Variants in MAN1A2 observed in about 807,000 individuals in gnomAD.
The protein encoded by MAN1A2 is mannosidase alpha class 1A member 2.
MAN1A2 carries 26 observed loss-of-function variants against 75.7 expected under a neutral mutation model. The ratio of observed to expected loss-of-function variants is 0.34; its 90% CI spans 0.25 to 0.48. The LOEUF is 0.48. Among genes scored for constraint, MAN1A2 ranks in the 20% least tolerant of loss-of-function variants. The pLI, the probability that MAN1A2 is intolerant of heterozygous loss-of-function variation, is 0.99. For synonymous variants in MAN1A2, 247 were observed against 264.6 expected, an observed-to-expected ratio of 0.93 and a Z score of 0.65; for missense variants, 562 against 775.5, an observed-to-expected ratio of 0.72 and a Z score of 3.27.
intron 10 of MAN1A2, among the ~76,000 whole-genome samples, chr1:117,498,198 G>A (rs1036457708): frequency 1.3e-5 from 2 of 151,724 alleles, no homozygotes; most frequent in African/African-American, 2.4e-5. Flanking sequence ...TTAAATTATC[G>A]TGTTGATACA....
At chr1:117,504,344 A>T (rs1651287098) in intron 12 of MAN1A2, among the ~76,000 whole-genome samples, 1 of 149,950 alleles carries the variant, frequency 6.7e-6, no homozygotes, top group African/African-American at 2.4e-5. Flanking sequence ...CTTCAGAAAA[A>T]CTGTAAGATA....
intron 8 of MAN1A2, among the ~76,000 whole-genome samples, chr1:117,476,930 T>C (rs1286712602): frequency 1.3e-5 from 2 of 152,096 alleles, no homozygotes; most frequent in East Asian, 3.9e-4. Context: ...TAGCACTGAA[T>C]CTGTAAATTA....
intron 8 of MAN1A2, among the ~76,000 whole-genome samples, chr1:117,482,207 A>G (rs1000956522): frequency 6.6e-6 from 1 of 152,016 alleles, no homozygotes; most frequent in Non-Finnish European, 1.5e-5. Flanking sequence ...CAGTAGCATG[A>G]TTTATAATCC....
chr1:117,504,102 T>G (rs1326333595), intron 12 of MAN1A2, among the ~76,000 whole-genome samples: 1 of 151,474 alleles, frequency 6.6e-6, no homozygotes, highest in Non-Finnish European at 1.5e-5. Flanking sequence ...GTTTCCTACA[T>G]CTAGATGTTT....
At chr1:117,419,073 G>A (rs1648104979) in intron 4 of MAN1A2, among the ~76,000 whole-genome samples, 1 of 152,072 alleles carries the variant, frequency 6.6e-6, no homozygotes, top group South Asian at 2.1e-4. Context: ...GGTACAGCAA[G>A]TAGGCCCATA....
intron 8 of MAN1A2, among the ~76,000 whole-genome samples, chr1:117,466,687 G>A (rs1028121684): frequency 2.6e-5 from 4 of 152,056 alleles, no homozygotes; most frequent in East Asian, 1.9e-4. Flanking sequence ...CAGTTTGAAG[G>A]TTGTACTTAA....
chr1:117,466,491 A>G, intron 8 of MAN1A2, 64 bp downstream of exon 8: 2 of 1,112,570 alleles, frequency 1.8e-6, no homozygotes, highest in Non-Finnish European at 2.6e-6. Flanking sequence ...TCTTTGCTTG[A>G]TGTTGTAAAA....
chr1:117,373,352 G>A (rs1653034866), intron 1 of MAN1A2, among the ~76,000 whole-genome samples: 1 of 151,910 alleles, frequency 6.6e-6, no homozygotes, highest in African/African-American at 2.4e-5. Context: ...TCTGCTGGAT[G>A]TTCCATTTCC....
chr1:117,485,459 G>A (rs1221970409), intron 8 of MAN1A2, among the ~76,000 whole-genome samples: 1 of 151,862 alleles, frequency 6.6e-6, no homozygotes, highest in Non-Finnish European at 1.5e-5. Context: ...AAGGCAAGGG[G>A]GAGGTAATAA....
At chr1:117,415,378 A>G (rs776587906) in intron 4 of MAN1A2, among the ~76,000 whole-genome samples, 36 of 152,014 alleles carry the variant, frequency 2.4e-4, no homozygotes, top group Non-Finnish European at 4.7e-4. Context: ...ATCTTTTGTG[A>G]TATTTGTGCT....
chr1:117,502,774 A>C, intron 11 of MAN1A2, 81 bp from the exon 12 acceptor site: 2 of 708,192 alleles, frequency 2.8e-6, no homozygotes, highest in South Asian at 3.2e-5. Flanking sequence ...TGAGCTTTTG[A>C]CTATTGTCCT....
chr1:117,499,539 C>A lies in MAN1A2; in HGVS notation c.1662C>A (p.Gly554=). Residue 554 remains glycine, a synonymous_variant, in exon 11 of 13, where the codon GGC becomes GGA. Coordinates refer to ENST00000356554, the MANE Select transcript of MAN1A2 (RefSeq NM_006699.5). The part of the protein sequence containing the change: ...FTHDPRYRQW[G]WEAALAIEKY... Reference sequence around the variant, plus strand: ...ACGATCCAAGATACAGGCAGTGGGGCTGGGAAGCAGCACTGGTAAATAAGC... The same window carrying A: ...ACGATCCAAGATACAGGCAGTGGGGATGGGAAGCAGCACTGGTAAATAAGC... The A allele has an allele frequency of 6.2e-7, 1 of 1,602,232 alleles. No homozygotes were observed. Among genetic ancestry groups the A allele is most frequent in the Non-Finnish European group, 8.5e-7 (1 of 1,174,460 alleles).
At chr1:117,396,008 C>T (rs977519132) in intron 1 of MAN1A2, among the ~76,000 whole-genome samples, 32 of 152,222 alleles carry the variant, frequency 2.1e-4, no homozygotes, top group African/African-American at 7.2e-4. Context: ...TCTTCCAGCA[C>T]CAATGTGTGA....
chr1:117,420,713 A>G (rs939017533), intron 5 of MAN1A2, 64 bp downstream of exon 5: 102 of 1,170,586 alleles, frequency 8.7e-5, no homozygotes, highest in Non-Finnish European at 1.2e-4. Flanking sequence ...AATAAAATGA[A>G]CAATTTCCCT....
At chr1:117,457,048 A>G (rs1359148930) in intron 6 of MAN1A2, among the ~76,000 whole-genome samples, 1 of 152,126 alleles carries the variant, frequency 6.6e-6, no homozygotes, top group Non-Finnish European at 1.5e-5. Context: ...GTTTACTGAA[A>G]GCTTTACTCC....
chr1:117,502,932 T>C lies in MAN1A2; in HGVS notation c.1755T>C (p.Asp585=). 1 of 1,606,294 alleles carries C rather than the reference T, an allele frequency of 6.2e-7. No individual in the cohort carries two copies. Among genetic ancestry groups the C allele is most frequent in the Non-Finnish European group, 8.5e-7 (1 of 1,175,710 alleles). Residue 585 remains aspartate, a synonymous_variant, in exon 12 of 13, where the codon GAT becomes GAC. Coordinates refer to ENST00000356554, the MANE Select transcript of MAN1A2 (RefSeq NM_006699.5). ...TATATTCCTCTACTCCTACACATGA[T>C]GATGTACAGCAGAGCTTTTTTCTTG... The part of the protein sequence containing the change: ...KDVYSSTPTH[D]DVQQSFFLAE...
intron 11 of MAN1A2, among the ~76,000 whole-genome samples, chr1:117,502,464 C>T (rs1651231672): frequency 6.6e-6 from 1 of 151,474 alleles, no homozygotes; most frequent in African/African-American, 2.4e-5. Context: ...TATTGTTTGT[C>T]CTTGGAAGTG....
chr1:117,400,424 C>A (rs1647384463), intron 1 of MAN1A2, among the ~76,000 whole-genome samples: 1 of 150,464 alleles, frequency 6.6e-6, no homozygotes, highest in Admixed American at 6.6e-5. Context: ...TTAACACGTG[C>A]TATTCATGTA....
intron 3 of MAN1A2, among the ~76,000 whole-genome samples, chr1:117,413,583 T>C (rs772594711): frequency 6.6e-6 from 1 of 151,848 alleles, no homozygotes; most frequent in Non-Finnish European, 1.5e-5. Flanking sequence ...TTTTGGGGTA[T>C]AAATCATCAT....
Sources: gnomAD v4.1 joint callset for allele counts (sites outside exome capture counted in the v4.1 genomes callset) on GRCh38, gnomAD v4.1.1 for gene constraint, MANE v1.5 for transcripts, NCBI Gene and HGNC (gene_info 2026-07-23, HGNC 2026-07-21) for gene names.